The following OCA2 variants were observed in gnomAD, a reference collection of about 807,000 sequenced individuals.
OCA2 encodes the protein OCA2 melanosomal transmembrane protein.
In OCA2, 77 loss-of-function variants were observed where a neutral mutation model predicts 100.2. That is an observed-to-expected ratio of 0.77 (90% CI 0.64 to 0.93). The LOEUF is 0.93. Ranked by LOEUF, OCA2 falls within the 40% of genes least tolerant of loss-of-function variation. OCA2 has a pLI of 0.00. For missense variants in OCA2, 1,062 were observed against 1,089.1 expected (o/e 0.98, Z 0.35); for synonymous variants, 432 against 439.2 (o/e 0.98, Z 0.21).
intron 19 of OCA2, among the ~76,000 whole-genome samples, chr15:27,873,888 G>A (rs180954853): frequency 1.7e-4 from 26 of 152,268 alleles, no homozygotes; most frequent in African/African-American, 5.3e-4. Flanking sequence ...TATATAATGT[G>A]TATTTTACAG....
At chr15:27,767,319 C>T (rs987330121) in intron 23 of OCA2, among the ~76,000 whole-genome samples, 11 of 152,220 alleles carry the variant, frequency 7.2e-5, no homozygotes, top group Non-Finnish European at 1.2e-4. Flanking sequence ...TGCCCCTATC[C>T]AGCAGGAAGT....
intron 9 of OCA2, among the ~76,000 whole-genome samples, chr15:28,011,262 C>T (rs927113046): frequency 6.6e-6 from 1 of 152,128 alleles, no homozygotes; most frequent in African/African-American, 2.4e-5. Context: ...GCCAGGAATT[C>T]AAGACCATCC....
chr15:27,823,880 T>C (rs2311467), intron 23 of OCA2, among the ~76,000 whole-genome samples: 76,785 of 152,028 alleles, frequency 0.51, 19,997 homozygotes, highest in South Asian at 0.76. Context: ...ATGATTTACA[T>C]TGCAATACTA....
chr15:28,097,401 C>A (rs369180390), intron 1 of OCA2, among the ~76,000 whole-genome samples: 15 of 152,366 alleles, frequency 9.8e-5, no homozygotes, highest in South Asian at 6.2e-4. Flanking sequence ...GAGGGAGCTC[C>A]GGCTTGTGGA....
In OCA2 at chr15:27,763,601, G is replaced by A. The variant is rs116122144; in HGVS notation, c.2433-8129C>T. On this transcript the variant is annotated intron_variant, in intron 23 of 23. Transcript: ENST00000354638. ...TGATGCGGCTGCTGTGAGTGGTTGC[G>A]ATGCCGGTGTGATGGAGATGTCCCT... is the stretch of plus-strand genomic sequence containing the variant. Among the ~76,000 whole-genome samples the A allele has an allele frequency of 8.5e-3, 1,300 of 152,334 alleles. 17 individuals carry two copies. Among genetic ancestry groups the A allele is most frequent in the African/African-American group, 0.03 (1,250 of 41,570 alleles).
In OCA2 at chr15:28,063,192, T is replaced by A. The variant is rs565537958; in HGVS notation, c.227+18456A>T. On this transcript the variant is annotated intron_variant, in intron 2 of 23. Coordinates refer to ENST00000354638, the MANE Select transcript of OCA2 (RefSeq NM_000275.3). ...TTGTCTCTAGTAACAATTTTTGTCT[T>A]AAAGTCTATTTTGTCCAATATTAGT... is the stretch of plus-strand genomic sequence containing the variant. Among the ~76,000 whole-genome samples the A allele has an allele frequency of 2.0e-5, 3 of 152,288 alleles. No homozygotes were observed. The East Asian group carries it at 5.8e-4, about 29-fold the overall frequency.
chr15:27,747,649 C>G, the OCA2 span, among the ~76,000 whole-genome samples: 1 of 152,122 alleles, frequency 6.6e-6, no homozygotes, highest in African/African-American at 2.4e-5. Flanking sequence ...TACCTAAAAC[C>G]TGTTTTTAAG....
At chr15:27,744,614 A>G in the OCA2 span, among the ~76,000 whole-genome samples, 1 of 152,222 alleles carries the variant, frequency 6.6e-6, no homozygotes, top group African/African-American at 2.4e-5. Flanking sequence ...TGCTCTGTTC[A>G]GACAGGATTA....
chr15:27,838,439 C>G (rs569497281), intron 23 of OCA2, among the ~76,000 whole-genome samples: 3 of 152,194 alleles, frequency 2.0e-5, no homozygotes, highest in East Asian at 3.9e-4. Context: ...GAAATGGAAG[C>G]CAGGCCAGTG....
intron 2 of OCA2, among the ~76,000 whole-genome samples, chr15:28,042,205 T>C (rs977042388): frequency 2.6e-5 from 4 of 152,238 alleles, no homozygotes; most frequent in African/African-American, 9.6e-5. Context: ...CAGGGAAGGA[T>C]AGAAAATAGG....
At chr15:27,928,809 C>T (rs1054523551) in intron 18 of OCA2, among the ~76,000 whole-genome samples, 9 of 152,130 alleles carry the variant, frequency 5.9e-5, no homozygotes, top group African/African-American at 1.9e-4. Context: ...CTATCTTTCA[C>T]TTTATTTTTA....
At chr15:27,986,493 T>G (rs1185827934) in intron 12 of OCA2, 94 bp downstream of exon 12, 1 of 895,436 alleles carries the variant, frequency 1.1e-6, no homozygotes, top group South Asian at 1.5e-5. Flanking sequence ...TTTCAATGTT[T>G]GTTTTAAATG....
chr15:27,794,491 A>G (rs2033238475), intron 23 of OCA2, among the ~76,000 whole-genome samples: 1 of 152,296 alleles, frequency 6.6e-6, no homozygotes, highest in Admixed American at 6.5e-5. Context: ...GACTGTAGCC[A>G]TGCATATCTT....
intron 22 of OCA2, among the ~76,000 whole-genome samples, chr15:27,846,301 T>G (rs72710543): frequency 0.05 from 7,609 of 152,148 alleles, 247 homozygotes; most frequent in African/African-American, 0.084. Context: ...AATGTGGCCA[T>G]CATTTCTCAC....
At chr15:27,728,805 CTAAGA>C in the OCA2 span, among the ~76,000 whole-genome samples, 7 of 152,268 alleles carry the variant, frequency 4.6e-5, no homozygotes, top group African/African-American at 1.4e-4. Flanking sequence ...TTTGGTCTTC[CTAAGA>C]TATTTCCAGA....
At chr15:27,847,160 C>A (rs1436045058) in intron 22 of OCA2, among the ~76,000 whole-genome samples, 2 of 152,222 alleles carry the variant, frequency 1.3e-5, no homozygotes, top group Non-Finnish European at 2.9e-5. Context: ...AGGACATCAA[C>A]TCGTTAAGTC....
chr15:28,025,692 T>C (rs1264188557), intron 4 of OCA2, among the ~76,000 whole-genome samples: 1 of 152,190 alleles, frequency 6.6e-6, no homozygotes, highest in East Asian at 1.9e-4. Flanking sequence ...CACTGCCCAG[T>C]CCAGGTTGTG....
At chr15:28,096,091 G>T (rs1467529004) in intron 1 of OCA2, among the ~76,000 whole-genome samples, 3 of 152,084 alleles carry the variant, frequency 2.0e-5, no homozygotes, top group Non-Finnish European at 4.4e-5. Context: ...CGTCTGCAAA[G>T]GCGTCAATGT....
At position 28,028,013 on chromosome 15, in the gene OCA2, CTT is replaced by C. The variant is rs2042807776; in HGVS notation, c.371_372del (p.Glu124GlyfsTer9). The C allele has an allele frequency of 6.2e-7, 1 of 1,614,218 alleles. No homozygotes were observed. Among genetic ancestry groups the C allele is most frequent in the African/African-American group, 1.3e-5 (1 of 75,054 alleles). On this transcript the variant is annotated frameshift_variant, in exon 4 of 24. Transcript: ENST00000354638. LOFTEE classifies it high-confidence loss of function. Reference sequence around the variant, plus strand: ...TCAGCAGAGCTGTCTTCCCAAGACTCTTCAGCAGTGATGAACTCTGGATGGTA... The same window carrying C: ...TCAGCAGAGCTGTCTTCCCAAGACTCCAGCAGTGATGAACTCTGGATGGTA... ...PVYHPEFITA[E>X]ESWEDSSADW...
Sources: allele counts gnomAD v4.1 joint callset (sites outside exome capture counted in the v4.1 genomes callset), GRCh38; gene constraint gnomAD v4.1.1; transcripts MANE v1.5; gene names NCBI Gene and HGNC (gene_info 2026-07-23, HGNC 2026-07-21).